The following NNMT variants were observed in gnomAD, a reference collection of about 807,000 sequenced individuals.
The protein encoded by NNMT is nicotinamide N-methyltransferase.
NNMT carries 10 observed loss-of-function variants against 11.7 expected under a neutral mutation model. The observed-to-expected ratio is 0.85, with a 90% CI of 0.53 to 1.45. NNMT has a LOEUF of 1.45. Ranked by LOEUF, NNMT falls within the 40% of genes most tolerant of loss-of-function variation. The pLI, the probability that NNMT is intolerant of heterozygous loss-of-function variation, is 0.00. For missense variants in NNMT, 381 were observed against 319.4 expected, an observed-to-expected ratio of 1.19 and a Z score of -1.47; for synonymous variants, 143 against 133.8, an observed-to-expected ratio of 1.07 and a Z score of -0.48.
chr11:114,291,776 A>G (rs556945102), upstream of NNMT, among the ~76,000 whole-genome samples: 1 of 151,894 alleles, frequency 6.6e-6, no homozygotes, highest in Non-Finnish European at 1.5e-5. Context: ...GAGTTTCTGC[A>G]TTTGCCACCT....
At chr11:114,268,675 A>C (rs1305459536) in intron 2 of NNMT, among the ~76,000 whole-genome samples, 1 of 148,448 alleles carries the variant, frequency 6.7e-6, no homozygotes, top group Non-Finnish European at 1.5e-5. Flanking sequence ...AGGCTGAGGC[A>C]GGAGAATGGC....
intron 2 of NNMT, among the ~76,000 whole-genome samples, chr11:114,268,854 G>A (rs1411414333): frequency 6.6e-6 from 1 of 152,096 alleles, no homozygotes; most frequent in Non-Finnish European, 1.5e-5. Context: ...TGCTACCTGG[G>A]AATCTGAAAG....
chr11:114,271,599 T>G (rs1356428839), intron 2 of NNMT, among the ~76,000 whole-genome samples: 1 of 152,158 alleles, frequency 6.6e-6, no homozygotes, highest in African/African-American at 2.4e-5. Context: ...CCAAGCATGC[T>G]CCAAATGCAA....
In NNMT at chr11:114,296,541, A is replaced by G. The variant is rs1945379557; in HGVS notation, c.-16A>G. ...AGAAGGAGGGCAGTGCTCCAGTGGT[A>G]CAGAAGTGAGACATAATGGAATCAG... On this transcript the variant is annotated 5_prime_UTR_variant, in exon 1 of 3. Transcript: ENST00000299964. The G allele has an allele frequency of 6.2e-7, 1 of 1,612,836 alleles. No individual in the cohort carries two copies. Among genetic ancestry groups the G allele is most frequent in the Non-Finnish European group, 8.5e-7 (1 of 1,179,622 alleles).
At chr11:114,299,115 A>C (rs1945413211) in intron 2 of NNMT, among the ~76,000 whole-genome samples, 1 of 152,182 alleles carries the variant, frequency 6.6e-6, no homozygotes, top group African/African-American at 2.4e-5. Context: ...TATGCTTTTT[A>C]TTTATTTTTC....
chr11:114,277,710 C>T (rs1298820543), intron 2 of NNMT, among the ~76,000 whole-genome samples: 1 of 152,176 alleles, frequency 6.6e-6, no homozygotes, highest in African/African-American at 2.4e-5. Flanking sequence ...ACTACTAAGG[C>T]TGTGGTAGAA....
chr11:114,305,782 T>C (rs1945486170), intron 2 of NNMT, among the ~76,000 whole-genome samples: 1 of 152,118 alleles, frequency 6.6e-6, no homozygotes, highest in Non-Finnish European at 1.5e-5. Flanking sequence ...AAGTCTTTGC[T>C]ATTGTGAATA....
At chr11:114,309,670 T>C (rs7127835) in intron 2 of NNMT, among the ~76,000 whole-genome samples, 1 of 152,182 alleles carries the variant, frequency 6.6e-6, no homozygotes, top group Admixed American at 6.5e-5. Context: ...ATTGCGAAAT[T>C]CAGTAGTTTT....
rs1945400137 is a variant in NNMT, at chr11:114,298,018, T to C, written c.222T>C (p.Ala74=). The C allele has an allele frequency of 6.2e-7, 1 of 1,614,022 alleles. No homozygotes were observed. Among genetic ancestry groups the C allele is most frequent in the Non-Finnish European group, 8.5e-7 (1 of 1,180,016 alleles). ...CCACTATCTATCAGCTCCTCTCTGC[T>C]TGTGAATCCTTTAAGGAGATCGTCG... ...SGPTIYQLLS[A]CESFKEIVVT... is the part of the protein sequence containing the mutation. Residue 74 remains alanine (A), a synonymous_variant, in exon 2 of 3, where the codon GCT becomes GCC. Transcript: ENST00000299964.
intron 2 of NNMT, 99 bp from the exon 3 acceptor site, chr11:114,311,946 A>T (rs1261216844): frequency 3.9e-6 from 5 of 1,292,208 alleles, no homozygotes; most frequent in Non-Finnish European, 5.3e-6. Flanking sequence ...CTAAGGACAC[A>T]CATCTGGGAC....
At chr11:114,273,193 T>G (rs1945185075) in intron 2 of NNMT, among the ~76,000 whole-genome samples, 1 of 152,234 alleles carries the variant, frequency 6.6e-6, no homozygotes, top group African/African-American at 2.4e-5. Flanking sequence ...TTCCAGGTGC[T>G]CTGCCATCTG....
Position 114,287,572 on chromosome 11 carries a change from G to C in NNMT, c.-129-8856G>C, listed in dbSNP as rs1206159345. Among the ~76,000 whole-genome samples, 3 of 152,200 alleles carry C rather than the reference G, an allele frequency of 2.0e-5. No individual in the cohort carries two copies. The East Asian group carries it at 5.8e-4, about 29-fold the overall frequency. On this transcript the variant is annotated intron_variant, in intron 2 of 4. Coordinates refer to the NNMT transcript ENST00000535401. Reference sequence around the variant, plus strand: ...TTCATAAAAGTACAGGTCTGTTTATGGGCTCTCTACTCTGTTCTATTGGTC... The same window carrying C: ...TTCATAAAAGTACAGGTCTGTTTATCGGCTCTCTACTCTGTTCTATTGGTC...
At chr11:114,299,612 G>C (rs1219265987) in intron 2 of NNMT, among the ~76,000 whole-genome samples, 1 of 152,138 alleles carries the variant, frequency 6.6e-6, no homozygotes, top group Non-Finnish European at 1.5e-5. Context: ...CTTCTTAAAT[G>C]ATTGATAGCA....
intron 2 of NNMT, among the ~76,000 whole-genome samples, chr11:114,273,783 T>C (rs1171191526): frequency 3.3e-5 from 5 of 152,094 alleles, no homozygotes; most frequent in Admixed American, 1.3e-4. Flanking sequence ...GAGGTTGCAG[T>C]GAGCTGAGAT....
intron 2 of NNMT, among the ~76,000 whole-genome samples, chr11:114,276,318 C>T (rs532299676): frequency 7.9e-5 from 12 of 152,194 alleles, no homozygotes; most frequent in Admixed American, 3.9e-4. Flanking sequence ...GGAGAAGGCT[C>T]AGCAGGCAGC....
intron 2 of NNMT, among the ~76,000 whole-genome samples, chr11:114,305,957 TC>T (rs1325070250): frequency 6.6e-6 from 1 of 152,180 alleles, no homozygotes; most frequent in Non-Finnish European, 1.5e-5. Context: ...TAGTTTACAG[TC>T]CCACCAACAA....
At chr11:114,294,808 A>T (rs1945360618), upstream of NNMT, among the ~76,000 whole-genome samples, 1 of 152,232 alleles carries the variant, frequency 6.6e-6, no homozygotes, top group Admixed American at 6.5e-5. Flanking sequence ...AAAGAAAAAA[A>T]AATCAAGTGC....
At chr11:114,259,522 G>C (rs2135237351) in intron 1 of NNMT, among the ~76,000 whole-genome samples, 1 of 152,270 alleles carries the variant, frequency 6.6e-6, no homozygotes, top group East Asian at 1.9e-4. Context: ...AGAGGGGCTG[G>C]GGGGTTGCAT....
At chr11:114,260,677 T>C (rs1945071802) in intron 1 of NNMT, among the ~76,000 whole-genome samples, 1 of 152,194 alleles carries the variant, frequency 6.6e-6, no homozygotes, top group Admixed American at 6.5e-5. Context: ...AGCTGGGCCC[T>C]GGCCTTGGGG....
Sources: gnomAD v4.1 joint callset for allele counts (sites outside exome capture counted in the v4.1 genomes callset) on GRCh38, gnomAD v4.1.1 for gene constraint, MANE v1.5 for transcripts, NCBI Gene and HGNC (gene_info 2026-07-23, HGNC 2026-07-21) for gene names.